RAPSN: variants seen among roughly 807,000 people sequenced by gnomAD.
The protein encoded by RAPSN is 43 kDa receptor-associated protein of the synapse.
Under a neutral mutation model 45.7 loss-of-function variants are expected in RAPSN, and 33 were observed. The ratio of observed to expected loss-of-function variants is 0.72; its 90% confidence interval spans 0.55 to 0.97. RAPSN has a LOEUF of 0.97. RAPSN is among the 50% of genes least tolerant of loss of function. The pLI is 0.00. For missense variants in RAPSN, 519 were observed against 559.4 expected (o/e 0.93, Z 0.73); for synonymous variants, 244 against 233.6 (o/e 1.04, Z -0.40).
rs766293141 is a variant in RAPSN, at chr11:47,437,882, C to T, written c.*93G>A. ...AAGGCCTTGGCTATGGTGAGGACGA[C>T]CTGGCAGCTGCCCCAGGAGTAAATG... On this transcript the variant is annotated 3_prime_UTR_variant, in exon 8 of 8. Transcript: ENST00000298854. 4.4e-5 allele frequency: 67 copies of T among 1,509,466 alleles called. No homozygotes were observed. Among genetic ancestry groups the T allele is most frequent in the South Asian group, 8.4e-5 (7 of 83,190 alleles). The allele number at this position is 1,509,466 out of a possible 1,614,324, so 93.5% of individuals were successfully genotyped here. A position where few individuals can be genotyped will look rare whatever the true frequency, so the allele number is the denominator to read the frequency against.
chr11:47,438,841 G>A lies in RAPSN; in HGVS notation c.1057C>T (p.His353Tyr). 1 of 1,573,904 alleles carries A rather than the reference G, an allele frequency of 6.4e-7. No individual in the cohort carries two copies. The highest frequency in any genetic ancestry group is 1.7e-4 in the Middle Eastern group (1 of 6,014). Residue 353 changes from histidine (H) to tyrosine (Y), a missense_variant, in exon 7 of 8, where the codon CAC (histidine) becomes TAC (tyrosine). Coordinates refer to ENST00000298854, the MANE Select transcript of RAPSN (RefSeq NM_005055.5). ...RELRAHVVRF[H>Y]ECVEETELYC... ...AGCTCCGTCTCCTCCACGCACTCGT[G>A]GAACCTCACAACGTGCGCCCGCAGT...
intron 2 of RAPSN, among the ~76,000 whole-genome samples, chr11:47,444,252 T>G (rs1220953551): frequency 6.6e-6 from 1 of 151,874 alleles, no homozygotes; most frequent in Non-Finnish European, 1.5e-5. Flanking sequence ...AAATAGAAAA[T>G]GGAGGTCAGG....
chr11:47,447,895 G>C lies in RAPSN; in HGVS notation c.448C>G (p.Leu150Val). ...QKALESFEKA[L>V]RYAHNNDDAM... ...TCATCATTGTTGTGGGCATAGCGCA[G>C]GGCCTTCTCGAAGCTCTCCAGGGCC... The change falls in exon 2 of 8, where the codon CTG becomes GTG. Residue 150 changes from leucine (L) to valine (V), a missense_variant. By Grantham distance (32) the Leu-to-Val change is conservative. Coordinates refer to ENST00000298854, the MANE Select transcript of RAPSN (RefSeq NM_005055.5). 6.2e-7 allele frequency: 1 copy of C among 1,613,252 alleles called. No individual in the cohort carries two copies. Among genetic ancestry groups the C allele is most frequent in the Non-Finnish European group, 8.5e-7 (1 of 1,179,784 alleles).
intron 1 of RAPSN, among the ~76,000 whole-genome samples, chr11:47,448,454 G>A (rs1168073448): frequency 1.4e-4 from 5 of 35,510 alleles, no homozygotes; most frequent in Admixed American, 1.4e-3. Context: ...CCCACACCCC[G>A]CCAGGCTCAG....
At position 47,441,991 on chromosome 11, in the gene RAPSN, AC is replaced by A. The variant is rs1489746103; in HGVS notation, c.691-71del. On this transcript the variant is annotated intron_variant, in intron 3 of 7. Coordinates refer to ENST00000298854, the MANE Select transcript of RAPSN (RefSeq NM_005055.5). ...CACTGGAGTGCCCTCCCCTCAACAG[AC>A]CCCTCTGAAGGGACAGCCCAGGGAA... is the stretch of plus-strand genomic sequence containing the variant. 4 of 1,456,740 alleles carry A rather than the reference AC, an allele frequency of 2.7e-6. No homozygotes were observed. In the African/African-American group the frequency reaches 5.6e-5, roughly 20 times the overall value. 90.2% of individuals were successfully genotyped at this position (1,456,740 alleles called of 1,614,324 possible).
At chr11:47,448,688 G>T in intron 1 of RAPSN, 85 bp downstream of exon 1, 1 of 1,551,680 alleles carries the variant, frequency 6.4e-7, no homozygotes, top group Non-Finnish European at 8.7e-7. Flanking sequence ...AGGGGAGCCC[G>T]AGGAGGCCGA....
In RAPSN at chr11:47,442,473, C is replaced by T. The variant is rs528019222; in HGVS notation, c.690+183G>A. 1.4e-4 allele frequency among the ~76,000 whole-genome samples: 21 copies of T among 152,320 alleles called. No individual in the cohort carries two copies. The East Asian group carries it at 1.9e-3, about 14-fold the overall frequency. On this transcript the variant is annotated intron_variant, in intron 3 of 7. Transcript: ENST00000298854. Reference sequence around the variant, plus strand: ...ACAGGAGGGTGGTTTAGTGAGACCCCGTCTCTACAAAAATAAAATTAGCTG... The same window carrying T: ...ACAGGAGGGTGGTTTAGTGAGACCCTGTCTCTACAAAAATAAAATTAGCTG...
intron 6 of RAPSN, 58 bp from the exon 7 acceptor site, chr11:47,438,989 T>C: frequency 3.3e-6 from 5 of 1,518,644 alleles, no homozygotes; most frequent in Non-Finnish European, 4.4e-6. Flanking sequence ...TCAGTGCAGG[T>C]AGGCTCCGGT....
chr11:47,447,748 G>T, intron 2 of RAPSN, 64 bp downstream of exon 2: 1 of 1,502,178 alleles, frequency 6.7e-7, no homozygotes, highest in Non-Finnish European at 9.1e-7. Flanking sequence ...GCCACAGGGT[G>T]TGTGCCTCAT....
intron 6 of RAPSN, among the ~76,000 whole-genome samples, chr11:47,439,332 G>C (rs1442615606): frequency 1.3e-5 from 2 of 152,168 alleles, no homozygotes; most frequent in Non-Finnish European, 2.9e-5. Flanking sequence ...AAATTAGCCG[G>C]GGGTGGTGGT....
rs771749514 is a variant in RAPSN at position 47,441,709 on chromosome 11, C to T, written c.814G>A (p.Ala272Thr). 1.4e-5 allele frequency: 22 copies of T among 1,608,318 alleles called. No individual in the cohort carries two copies. The Admixed American group carries it at 1.8e-4, about 13-fold the overall frequency. ...LETAFPRYDS[A>T]MSIMTEIGNR... Reference sequence around the variant, plus strand: ...CCGATCTCGGTCATGATGCTCATGGCGGAGTCGTACCTGGGGAAGGCTGTC... The same window carrying T: ...CCGATCTCGGTCATGATGCTCATGGTGGAGTCGTACCTGGGGAAGGCTGTC... The change falls in exon 5 of 8, where the codon GCC (alanine) becomes ACC (threonine). Residue 272 changes from alanine (A) to threonine (T), a missense_variant. By Grantham distance (58) the Ala-to-Thr change is moderately conservative (BLOSUM62 0). Transcript: ENST00000298854.
intron 2 of RAPSN, among the ~76,000 whole-genome samples, chr11:47,443,545 C>T (rs898190186): frequency 6.6e-6 from 1 of 152,046 alleles, no homozygotes; most frequent in African/African-American, 2.4e-5. Flanking sequence ...TGCCAGCCTC[C>T]GATGAGCAGT....
chr11:47,447,111 C>T (rs1032317366), intron 2 of RAPSN, among the ~76,000 whole-genome samples: 3 of 152,042 alleles, frequency 2.0e-5, no homozygotes, highest in Non-Finnish European at 4.4e-5. Flanking sequence ...TTTAGGGGCT[C>T]GCCCATTTTT....
At chr11:47,439,271 C>T (rs1233340436) in intron 6 of RAPSN, among the ~76,000 whole-genome samples, 3 of 152,116 alleles carry the variant, frequency 2.0e-5, no homozygotes, top group African/African-American at 4.8e-5. Context: ...GCCAGGAGTT[C>T]GAGACCAGCC....
At chr11:47,441,007 G>T in intron 6 of RAPSN, 152 bp downstream of exon 6, 1 of 918,642 alleles carries the variant, frequency 1.1e-6, no homozygotes, top group East Asian at 2.5e-5. Context: ...GTGTGTGGCA[G>T]AGAAAGAGCC....
Position 47,448,766 on chromosome 11 carries a change from C to T in RAPSN, c.192+7G>A. ...CCCTCGAACGCCCCCAGGCCGGGTA[C>T]ACCCACCTTCAGCATCTCCTTGTAG... On this transcript the variant is annotated splice_region_variant and intron_variant, in intron 1 of 7. Coordinates refer to ENST00000298854, the MANE Select transcript of RAPSN (RefSeq NM_005055.5). 3 of 1,608,070 alleles carry T rather than the reference C, an allele frequency of 1.9e-6. No homozygotes were observed. The highest frequency in any genetic ancestry group is 2.2e-5 in the East Asian group (1 of 44,886).
intron 1 of RAPSN, 38 bp downstream of exon 1, chr11:47,448,735 G>A (rs2076430498): frequency 6.2e-7 from 1 of 1,601,514 alleles, no homozygotes; most frequent in Middle Eastern, 1.7e-4. Flanking sequence ...TCCGGCCCCA[G>A]CCTGACCCTC....
intron 5 of RAPSN, 116 bp from the exon 6 acceptor site, chr11:47,441,328 G>T: frequency 1.5e-6 from 2 of 1,368,390 alleles, no homozygotes; most frequent in Non-Finnish European, 2.0e-6. Flanking sequence ...GCTGCCTTGT[G>T]TGTGAAGGCA....
rs1172649460 is a variant in RAPSN, at chr11:47,448,781, T to C, written c.184A>G (p.Met62Val). ...AGGCCGGGTACACCCACCTTCAGCA[T>C]CTCCTTGTAGCGGCCCATCTCCGAG... ...AHSEMGRYKEMLKFAVVQIDT... is the reference protein window; with the variant it reads ...AHSEMGRYKEVLKFAVVQIDT... Residue 62 changes from methionine (M) to valine (V), a missense_variant, in exon 1 of 8, where the codon ATG (methionine) becomes GTG (valine). Coordinates refer to ENST00000298854, the MANE Select transcript of RAPSN (RefSeq NM_005055.5). 6.2e-7 allele frequency: 1 copy of C among 1,610,372 alleles called. No homozygotes were observed. The highest frequency in any genetic ancestry group is 1.7e-5 in the Admixed American group (1 of 60,028).
Sources: gnomAD v4.1 joint callset for allele counts (sites outside exome capture counted in the v4.1 genomes callset) on GRCh38, gnomAD v4.1.1 for gene constraint, MANE v1.5 for transcripts, NCBI Gene and HGNC (gene_info 2026-07-23, HGNC 2026-07-21) for gene names.